GCNT2: variants seen among roughly 807,000 people sequenced by gnomAD.
The protein encoded by GCNT2 is N-acetyllactosaminide beta-1,6-N-acetylglucosaminyl-transferase.
A neutral mutation model predicts 34.2 loss-of-function variants in GCNT2; 34 were observed. The observed-to-expected ratio is 1.00, with a 90% CI of 0.76 to 1.32. The LOEUF (loss-of-function observed/expected upper bound fraction) is 1.32. Ranked by LOEUF, GCNT2 falls within the 40% of genes most tolerant of loss-of-function variation. The probability of loss-of-function intolerance (pLI) is 0.00; values close to 1 mark genes in which losing one functional copy is unlikely to be tolerated. For missense variants in GCNT2, 584 were observed against 489.4 expected, an observed-to-expected ratio of 1.19 and a Z score of -1.82; for synonymous variants, 212 against 188.0, an observed-to-expected ratio of 1.13 and a Z score of -1.04.
chr6:10,537,824 C>T (rs1001557039), intron 3 of GCNT2, among the ~76,000 whole-genome samples: 13 of 151,178 alleles, frequency 8.6e-5, no homozygotes, highest in African/African-American at 2.4e-4. Flanking sequence ...AGAACACTTA[C>T]ATTGTTAGCC....
At chr6:10,607,551 C>G (rs1765375680) in intron 3 of GCNT2, among the ~76,000 whole-genome samples, 1 of 152,102 alleles carries the variant, frequency 6.6e-6, no homozygotes, top group Non-Finnish European at 1.5e-5. Context: ...CGCAGGGACA[C>G]AGATCCAGAC....
intron 3 of GCNT2, among the ~76,000 whole-genome samples, chr6:10,541,358 G>A (rs1035083756): frequency 6.6e-5 from 10 of 152,094 alleles, no homozygotes; most frequent in African/African-American, 2.4e-4. Context: ...CCTTTTTATG[G>A]CTGCATAATA....
At chr6:10,557,047 T>G in intron 3 of GCNT2, 2 of 1,611,942 alleles carry the variant, frequency 1.2e-6, no homozygotes, top group East Asian at 4.5e-5. Flanking sequence ...TGAAAGGATT[T>G]AAAGGTAAAA....
chr6:10,625,623 A>G (rs2127447653), intron 4 of GCNT2, among the ~76,000 whole-genome samples: 1 of 152,290 alleles, frequency 6.6e-6, no homozygotes, highest in East Asian at 1.9e-4. Flanking sequence ...AGCTCAGGAA[A>G]AAGACTTACT....
intron 1 of GCNT2, among the ~76,000 whole-genome samples, chr6:10,525,922 TCAAA>T (rs768629299): frequency 1.4e-4 from 22 of 152,122 alleles, no homozygotes; most frequent in African/African-American, 3.1e-4. Flanking sequence ...GAGGTAAGAG[TCAAA>T]CAAACACCTG....
At chr6:10,594,602 G>A (rs1764771189) in intron 3 of GCNT2, among the ~76,000 whole-genome samples, 1 of 151,994 alleles carries the variant, frequency 6.6e-6, no homozygotes. Flanking sequence ...TTAAAAATGG[G>A]GTAAAATGAC....
intron 3 of GCNT2, among the ~76,000 whole-genome samples, chr6:10,579,672 T>C (rs1763976371): frequency 6.6e-6 from 1 of 151,782 alleles, no homozygotes; most frequent in Non-Finnish European, 1.5e-5. Context: ...AAAAATCAGC[T>C]GGCTGTGGTG....
intron 3 of GCNT2, among the ~76,000 whole-genome samples, chr6:10,617,530 G>T (rs145375986): frequency 0.011 from 1,636 of 152,326 alleles, 30 homozygotes; most frequent in African/African-American, 0.038. Flanking sequence ...CCGAGGAGGT[G>T]CCGAGAGCGA....
At chr6:10,570,392 T>C (rs947065249) in intron 3 of GCNT2, among the ~76,000 whole-genome samples, 2 of 152,200 alleles carry the variant, frequency 1.3e-5, no homozygotes, top group African/African-American at 4.8e-5. Context: ...CTCTGTACTT[T>C]TGTGAAATGT....
chr6:10,616,307 A>G (rs893177113), intron 3 of GCNT2, among the ~76,000 whole-genome samples: 2 of 150,388 alleles, frequency 1.3e-5, no homozygotes, highest in African/African-American at 4.8e-5. Context: ...TATAGGCTGT[A>G]TGGACCCAAA....
rs200055208 is a variant in GCNT2 at position 10,539,283 on chromosome 6, G to A, written c.925+9447G>A. The stretch of plus-strand genomic sequence containing the variant: ...CGGCCCACTGCAACCTCTGCCTCCT[G>A]GGTTCAAGCGATTCCCCTGCCTCAG... On this transcript the variant is annotated intron_variant, in intron 3 of 4. Transcript: ENST00000495262. 6.5e-4 allele frequency among the ~76,000 whole-genome samples: 93 copies of A among 144,078 alleles called. 1 individual carries two copies. The East Asian group carries it at 0.013, about 20-fold the overall frequency. The allele number at this position is 144,078 out of a possible 152,430, so 94.5% of individuals were successfully genotyped here.
intron 3 of GCNT2, among the ~76,000 whole-genome samples, chr6:10,582,813 C>A (rs951678389): frequency 6.6e-6 from 1 of 151,492 alleles, no homozygotes; most frequent in African/African-American, 2.4e-5. Context: ...GAAACAACAA[C>A]AACAACAATC....
Position 10,529,822 on chromosome 6 carries a change from T to G in GCNT2, c.911T>G (p.Leu304Arg), listed in dbSNP as rs755986508. 2.5e-6 allele frequency: 4 copies of G among 1,613,012 alleles called. No homozygotes were observed. Among genetic ancestry groups the G allele is most frequent in the Non-Finnish European group, 2.5e-6 (3 of 1,179,028 alleles). Residue 304 changes from leucine (L) to arginine (R), a missense_variant, in exon 3 of 5, where the codon CTC becomes CGC. Leu to Arg is a moderately radical substitution (Grantham distance 102). Transcript: ENST00000495262. ...YSPDEHFWVT[L>R]NRIPGVPGSM... ...CCCGACGAACATTTCTGGGTGACAC[T>G]CAACAGGATTCCCGGTATGTACGTC...
At chr6:10,544,748 A>T (rs1762191564) in intron 3 of GCNT2, among the ~76,000 whole-genome samples, 1 of 151,796 alleles carries the variant, frequency 6.6e-6, no homozygotes, top group South Asian at 2.1e-4. Flanking sequence ...GTTCGAGACC[A>T]GCCTGGCCAA....
intron 1 of GCNT2, among the ~76,000 whole-genome samples, chr6:10,521,925 A>C (rs1037642995): frequency 8.6e-5 from 13 of 150,452 alleles, no homozygotes; most frequent in Admixed American, 2.0e-4. Flanking sequence ...TTCCAGACAT[A>C]GTCTCACTCT....
In GCNT2 at chr6:10,585,776, G is replaced by A. The variant is rs1051976743; in HGVS notation, c.926-35575G>A. 17 of 1,427,058 alleles carry A rather than the reference G, an allele frequency of 1.2e-5. No individual in the cohort carries two copies. The South Asian group carries it at 1.2e-4, about 10-fold the overall frequency. 88.4% of individuals were successfully genotyped at this position (1,427,058 alleles called of 1,614,324 possible). The stretch of plus-strand genomic sequence containing the variant: ...TGGGGAACTGCAGACCAAAGTGAGA[G>A]AGGGACGCACCGCATCTCCAGGCAC... On this transcript the variant is annotated intron_variant, in intron 3 of 4. Coordinates refer to ENST00000495262, the MANE Select transcript of GCNT2 (RefSeq NM_145649.5).
intron 3 of GCNT2, among the ~76,000 whole-genome samples, chr6:10,537,712 A>C (rs1761831734): frequency 1.0e-4 from 6 of 57,660 alleles, no homozygotes; most frequent in Admixed American, 5.2e-4. Flanking sequence ...AAAAAAAAAA[A>C]AAAAAAAAAA....
At chr6:10,607,338 G>C (rs913955528) in intron 3 of GCNT2, among the ~76,000 whole-genome samples, 1 of 152,136 alleles carries the variant, frequency 6.6e-6, no homozygotes, top group South Asian at 2.1e-4. Context: ...AAGGGAGCAA[G>C]CATCTCACAT....
chr6:10,626,809 G>A lies in GCNT2; in HGVS notation c.*202G>A, dbSNP rs2127448346. On this transcript the variant is annotated 3_prime_UTR_variant, in exon 5 of 5. Coordinates refer to ENST00000495262, the MANE Select transcript of GCNT2 (RefSeq NM_145649.5). ...AGGATGGCTGGGTAGAGCAATCTGG[G>A]CACTTTGGCCAATTTTAGTCTTGCT... is the stretch of plus-strand genomic sequence containing the variant. 1.7e-6 allele frequency: 1 copy of A among 577,492 alleles called. No individual in the cohort carries two copies. The highest frequency in any genetic ancestry group is 1.9e-5 in the African/African-American group (1 of 53,576). The allele number at this position is 577,492 out of a possible 1,614,324, so 35.8% of individuals were successfully genotyped here. A position where few individuals can be genotyped will look rare whatever the true frequency, so the allele number is the denominator to read the frequency against.
Sources: gnomAD v4.1 joint callset for allele counts (sites outside exome capture counted in the v4.1 genomes callset) on GRCh38, gnomAD v4.1.1 for gene constraint, MANE v1.5 for transcripts, NCBI Gene and HGNC (gene_info 2026-07-23, HGNC 2026-07-21) for gene names.